AGAP1: variants seen among roughly 807,000 people sequenced by gnomAD.
The protein encoded by AGAP1 is ArfGAP with GTPase domain, ankyrin repeat and PH domain 1, also known as arf-GAP with GTPase, ANK repeat and PH domain-containing protein 1.
In AGAP1, 29 loss-of-function variants were observed where a neutral mutation model predicts 105.3. The ratio of observed to expected loss-of-function variants is 0.28; its 90% CI spans 0.21 to 0.38. The LOEUF is 0.38. AGAP1 is among the 10% of genes least tolerant of loss of function. AGAP1 has a pLI of 1.00. For synonymous variants in AGAP1, 509 were observed against 485.9 expected, an observed-to-expected ratio of 1.05 and a Z score of -0.63; for missense variants, 998 against 1,165.1, an observed-to-expected ratio of 0.86 and a Z score of 2.09.
rs896120244 is a variant in AGAP1 at position 235,843,119 on chromosome 2, C to A, written c.1050+35788C>A. On this transcript the variant is annotated intron_variant, in intron 9 of 17. Coordinates refer to ENST00000304032, the MANE Select transcript of AGAP1 (RefSeq NM_001037131.3). This position sits in a 1 kb window ranked among gnomAD's most constrained non-coding sequence, Gnocchi z 5.9. ...GTTGCCACCCTTGTCGGTTTTTCAC[C>A]CTGCAGCCCTTTGAGACCAAATCTG... 1.3e-5 allele frequency among the ~76,000 whole-genome samples: 2 copies of A among 152,166 alleles called. No homozygotes were observed. The highest frequency in any genetic ancestry group is 4.8e-5 in the African/African-American group (2 of 41,438).
At position 235,787,928 on chromosome 2, in the gene AGAP1, ACCAAGAGCAAGCAAGG is replaced by A. The variant is rs1218400672; in HGVS notation, c.674-9821_674-9806del. 1.3e-5 allele frequency among the ~76,000 whole-genome samples: 2 copies of A among 152,178 alleles called. No homozygotes were observed. The highest frequency in any genetic ancestry group is 2.9e-5 in the Non-Finnish European group (2 of 68,024). On this transcript the variant is annotated intron_variant, in intron 6 of 17. Transcript: ENST00000304032. The surrounding 1 kb of genome is among the most constrained non-coding windows in gnomAD (Gnocchi z 4.4). ...GAGCCATGACCATGAGCATTCCGGGACCAAGAGCAAGCAAGGCCAAGAGCATTGTAAGACCAAGAGC... is the reference window on the plus strand; with the variant it reads ...GAGCCATGACCATGAGCATTCCGGGACCAAGAGCATTGTAAGACCAAGAGC...
chr2:235,567,161 C>A (rs1002934688), intron 1 of AGAP1, among the ~76,000 whole-genome samples: 3 of 152,258 alleles, frequency 2.0e-5, no homozygotes, highest in African/African-American at 4.8e-5. Context: ...TGTGCCCACC[C>A]CCAGGCCAGC....
rs2059731407 is a variant in AGAP1 at position 236,114,866 on chromosome 2, G to A, written c.2115-5326G>A. Reference sequence around the variant, plus strand: ...GCCCTTAAACATCTCAAGGCTATGGGCAGGAGCCAACCAGATGTTGCTCCT... The same window carrying A: ...GCCCTTAAACATCTCAAGGCTATGGACAGGAGCCAACCAGATGTTGCTCCT... On this transcript the variant is annotated intron_variant, in intron 16 of 17. Transcript: ENST00000304032. The surrounding 1 kb of genome is among the most constrained non-coding windows in gnomAD (Gnocchi z 5.0). Among the ~76,000 whole-genome samples the A allele has an allele frequency of 6.6e-6, 1 of 152,112 alleles. No individual in the cohort carries two copies. The highest frequency in any genetic ancestry group is 2.4e-5 in the African/African-American group (1 of 41,406).
At chr2:235,666,982 C>G (rs1171329682) in intron 1 of AGAP1, among the ~76,000 whole-genome samples, 3 of 152,126 alleles carry the variant, frequency 2.0e-5, no homozygotes, top group Non-Finnish European at 4.4e-5. Context: ...TAGCAGAGAT[C>G]TCTATCTTTC....
chr2:235,568,132 A>G (rs1944406083), intron 1 of AGAP1, among the ~76,000 whole-genome samples: 1 of 152,062 alleles, frequency 6.6e-6, no homozygotes, highest in Non-Finnish European at 1.5e-5. Flanking sequence ...GGGACCCTGG[A>G]CAGCATCCTG....
At chr2:235,541,186 CA>C (rs2149094835) in intron 1 of AGAP1, among the ~76,000 whole-genome samples, 1 of 152,158 alleles carries the variant, frequency 6.6e-6, no homozygotes, top group Admixed American at 6.5e-5. Context: ...TTGCCTCACA[CA>C]AACAAGAATG....
intron 6 of AGAP1, among the ~76,000 whole-genome samples, chr2:235,790,766 G>A (rs1250629755): frequency 1.3e-5 from 2 of 152,204 alleles, no homozygotes; most frequent in African/African-American, 2.4e-5. Context: ...CCCACTGAGT[G>A]TCAGGCAGGC....
At chr2:236,100,832 G>GA (rs72435294) in intron 16 of AGAP1, among the ~76,000 whole-genome samples, 550 of 108,660 alleles carry the variant, frequency 5.1e-3, no homozygotes, top group East Asian at 1.0e-2. Context: ...TCCCTCTCAA[G>GA]AAAAAAAAAA....
rs891280493 is a variant in AGAP1, at chr2:236,109,574, G to A, written c.2115-10618G>A. Reference sequence around the variant, plus strand: ...TGTCCTAGTCAGCGGCAGCGTCGGTGCTCTGGACCGGCAGCCATGGGAATG... The same window carrying A: ...TGTCCTAGTCAGCGGCAGCGTCGGTACTCTGGACCGGCAGCCATGGGAATG... On this transcript the variant is annotated intron_variant, in intron 16 of 17. Coordinates refer to ENST00000304032, the MANE Select transcript of AGAP1 (RefSeq NM_001037131.3). This position sits in a 1 kb window ranked among gnomAD's most constrained non-coding sequence, Gnocchi z 5.4. Among the ~76,000 whole-genome samples the A allele has an allele frequency of 3.9e-5, 6 of 152,296 alleles. No homozygotes were observed. In the East Asian group the frequency reaches 1.2e-3, roughly 29 times the overall value.
Position 235,931,375 on chromosome 2 carries a change from G to A in AGAP1, c.1483+452G>A, listed in dbSNP as rs2052712792. 6.6e-6 allele frequency among the ~76,000 whole-genome samples: 1 copy of A among 152,148 alleles called. No individual in the cohort carries two copies. The highest frequency in any genetic ancestry group is 1.5e-5 in the Non-Finnish European group (1 of 68,038). On this transcript the variant is annotated intron_variant, in intron 12 of 17. Transcript: ENST00000304032. This position sits in a 1 kb window ranked among gnomAD's most constrained non-coding sequence, Gnocchi z 5.6. The stretch of plus-strand genomic sequence containing the variant: ...CCTTGTCTGTTTTCCAGAATTCCTG[G>A]TGTACCCTCTAAATTCTGGAGTCCC...
At chr2:235,624,155 G>A (rs1002813961) in intron 1 of AGAP1, among the ~76,000 whole-genome samples, 1 of 152,220 alleles carries the variant, frequency 6.6e-6, no homozygotes, top group Non-Finnish European at 1.5e-5. Context: ...GAATGTACAG[G>A]ATGGTTCAAA....
chr2:236,002,223 G>A lies in AGAP1; in HGVS notation c.1645+33600G>A, dbSNP rs574202242. Among the ~76,000 whole-genome samples, 6 of 152,296 alleles carry A rather than the reference G, an allele frequency of 3.9e-5. No individual in the cohort carries two copies. In the East Asian group the frequency reaches 1.2e-3, roughly 29 times the overall value. ...AACATGTGTGGTAGGCACGTGCTGG[G>A]CACTGAAAATAAACAGACAAACACA... On this transcript the variant is annotated intron_variant, in intron 13 of 17. Coordinates refer to ENST00000304032, the MANE Select transcript of AGAP1 (RefSeq NM_001037131.3). This position sits in a 1 kb window ranked among gnomAD's most constrained non-coding sequence, Gnocchi z 4.3.
intron 1 of AGAP1, among the ~76,000 whole-genome samples, chr2:235,607,706 G>A (rs1019016216): frequency 3.9e-5 from 6 of 152,202 alleles, no homozygotes; most frequent in African/African-American, 1.4e-4. Context: ...CTTTAAGTGC[G>A]GGCTTGGGTG....
rs945493701 is a variant in AGAP1, at chr2:235,623,184, A to G, written c.164-85995A>G. Among the ~76,000 whole-genome samples the G allele has an allele frequency of 7.2e-5, 11 of 152,340 alleles. No individual in the cohort carries two copies. The highest frequency in any genetic ancestry group is 4.1e-4 in the South Asian group (2 of 4,824). ...CCTTTCCTTTCATTTCGAACTTTCA[A>G]TACAGCTGCAGAAACAATGCATCTG... On this transcript the variant is annotated intron_variant, in intron 1 of 17. Transcript: ENST00000304032. The surrounding 1 kb of genome is among the most constrained non-coding windows in gnomAD (Gnocchi z 4.5).
chr2:236,078,878 C>G lies in AGAP1; in HGVS notation c.2114+29597C>G, dbSNP rs1055536612. ...TGGGTGGCCACACCCACTGCCTTTC[C>G]TTTCTCACTTCCAGCTCTGTTCTTC... On this transcript the variant is annotated intron_variant, in intron 16 of 17. Coordinates refer to ENST00000304032, the MANE Select transcript of AGAP1 (RefSeq NM_001037131.3). The surrounding 1 kb of genome is among the most constrained non-coding windows in gnomAD (Gnocchi z 5.3). Among the ~76,000 whole-genome samples the G allele has an allele frequency of 1.4e-4, 22 of 152,240 alleles. No individual in the cohort carries two copies. Among genetic ancestry groups the G allele is most frequent in the Non-Finnish European group, 7.3e-5 (5 of 68,038 alleles).
Position 236,051,749 on chromosome 2 carries a change from C to G in AGAP1, c.2114+2468C>G, listed in dbSNP as rs2057905106. On this transcript the variant is annotated intron_variant, in intron 16 of 17. Transcript: ENST00000304032. This position sits in a 1 kb window ranked among gnomAD's most constrained non-coding sequence, Gnocchi z 5.9. The stretch of plus-strand genomic sequence containing the variant: ...TTGTCTATTCATGGGTTCTGTCTGT[C>G]CCACCTGTTCCCAAGAGGACTAAAG... 6.6e-6 allele frequency among the ~76,000 whole-genome samples: 1 copy of G among 152,142 alleles called. No homozygotes were observed. The highest frequency in any genetic ancestry group is 2.4e-5 in the African/African-American group (1 of 41,440).
chr2:236,123,868 C>G lies in AGAP1; in HGVS notation c.2371-51C>G. On this transcript the variant is annotated intron_variant, in intron 17 of 17. Coordinates refer to ENST00000304032, the MANE Select transcript of AGAP1 (RefSeq NM_001037131.3). The surrounding 1 kb of genome is among the most constrained non-coding windows in gnomAD (Gnocchi z 4.6). ...CTGAGAGAAAGCTTCCCTGCCCCCTCCCTCCATCACATCCCCCATGATACT... is the reference window on the plus strand; with the variant it reads ...CTGAGAGAAAGCTTCCCTGCCCCCTGCCTCCATCACATCCCCCATGATACT... 1 of 1,605,806 alleles carries G rather than the reference C, an allele frequency of 6.2e-7. No homozygotes were observed. Among genetic ancestry groups the G allele is most frequent in the Non-Finnish European group, 8.5e-7 (1 of 1,175,318 alleles).
At chr2:236,029,441 A>ATT (rs34156847) in intron 13 of AGAP1, among the ~76,000 whole-genome samples, 4 of 138,232 alleles carry the variant, frequency 2.9e-5, no homozygotes, top group Non-Finnish European at 4.7e-5. Context: ...ACACCCAGCC[A>ATT]TTTTTTTTTT....
rs1250273919 is a variant in AGAP1, at chr2:235,729,902, G to A, written c.311-11061G>A. Among the ~76,000 whole-genome samples the A allele has an allele frequency of 6.6e-6, 1 of 152,116 alleles. No homozygotes were observed. Among genetic ancestry groups the A allele is most frequent in the African/African-American group, 2.4e-5 (1 of 41,382 alleles). On this transcript the variant is annotated intron_variant, in intron 3 of 17. Transcript: ENST00000304032. The surrounding 1 kb of genome is among the most constrained non-coding windows in gnomAD (Gnocchi z 5.0). ...ATAAAAACAAAGAAGGATACAACATGCAAGGCCTAAAATGTTTACTTTCTG... is the reference window on the plus strand; with the variant it reads ...ATAAAAACAAAGAAGGATACAACATACAAGGCCTAAAATGTTTACTTTCTG...
Sources: allele counts gnomAD v4.1 joint callset (sites outside exome capture counted in the v4.1 genomes callset), GRCh38; gene constraint gnomAD v4.1.1; non-coding constraint Gnocchi (gnomAD v3.1); transcripts MANE v1.5; gene names NCBI Gene and HGNC (gene_info 2026-07-23, HGNC 2026-07-21).